The following DNAH14 variants were observed in gnomAD, a reference collection of about 807,000 sequenced individuals.
The protein encoded by DNAH14 is dynein axonemal heavy chain 14.
A neutral mutation model predicts 520.9 loss-of-function variants in DNAH14; 478 were observed. The observed-to-expected ratio is 0.92, with a 90% CI of 0.85 to 0.99. The LOEUF (loss-of-function observed/expected upper bound fraction) is 0.99. Among genes scored for constraint, DNAH14 ranks in the 50% least tolerant of loss-of-function variants. The pLI, the probability that DNAH14 is intolerant of heterozygous loss-of-function variation, is 0.00. For synonymous variants in DNAH14, 1,581 were observed against 1,757.2 expected, an observed-to-expected ratio of 0.90 and a Z score of 2.51; for missense variants, 4,831 against 5,234.5, an observed-to-expected ratio of 0.92 and a Z score of 2.38.
intron 31 of DNAH14, among the ~76,000 whole-genome samples, chr1:225,148,909 T>C (rs958628599): frequency 1.3e-5 from 2 of 152,184 alleles, no homozygotes; most frequent in African/African-American, 4.8e-5. Flanking sequence ...GTTTACTCTG[T>C]TGATAGTTTC....
chr1:225,290,188 T>C (rs1558280204), intron 55 of DNAH14, 106 bp downstream of exon 55: 12 of 783,024 alleles, frequency 1.5e-5, no homozygotes, highest in South Asian at 3.3e-5. Flanking sequence ...TATTTATCAA[T>C]GGTTCTATTA....
chr1:225,399,040 T>C lies in DNAH14; in HGVS notation c.13639-14T>C, dbSNP rs779920067. The C allele has an allele frequency of 1.5e-4, 223 of 1,531,582 alleles. 1 individual carries two copies. The East Asian group carries it at 5.4e-3, about 37-fold the overall frequency. 94.9% of individuals were successfully genotyped at this position (1,531,582 alleles called of 1,614,324 possible). On this transcript the variant is annotated splice_polypyrimidine_tract_variant and intron_variant, in intron 85 of 85. Coordinates refer to ENST00000682510, the MANE Select transcript of DNAH14 (RefSeq NM_001367479.1). ...CTATGCAATTTGACTACTGGATTTT[T>C]TTTTTTTTTAAAGATTTCTACCAAA...
chr1:225,278,494 C>G (rs2093547810), intron 54 of DNAH14, among the ~76,000 whole-genome samples: 1 of 152,184 alleles, frequency 6.6e-6, no homozygotes, highest in Non-Finnish European at 1.5e-5. Flanking sequence ...TAACGCACCT[C>G]TTTTCTTCCC....
intron 38 of DNAH14, among the ~76,000 whole-genome samples, chr1:225,197,784 A>AT (rs941661381): frequency 1.1e-4 from 16 of 151,866 alleles, no homozygotes; most frequent in Admixed American, 9.8e-4. Flanking sequence ...TAAGTATTTT[A>AT]TTTTTTTGCA....
intron 5 of DNAH14, 22 bp from the exon 6 acceptor site, chr1:224,967,409 A>ATT: frequency 1.5e-6 from 2 of 1,377,410 alleles, no homozygotes; most frequent in South Asian, 1.7e-5. Context: ...AAATTTGTTT[A>ATT]TTATTTTTTT....
At chr1:225,091,339 G>T (rs1211930517) in intron 21 of DNAH14, among the ~76,000 whole-genome samples, 3 of 151,918 alleles carry the variant, frequency 2.0e-5, no homozygotes, top group Admixed American at 2.0e-4. Context: ...CTAGAGAGAA[G>T]GGGCAGCTCT....
chr1:225,031,105 ACTAC>A (rs1382490643), intron 11 of DNAH14, among the ~76,000 whole-genome samples: 2 of 152,014 alleles, frequency 1.3e-5, no homozygotes, highest in African/African-American at 2.4e-5. Flanking sequence ...TTTGTTTTAA[ACTAC>A]CTATTTCATA....
chr1:224,958,939 T>A (rs1246613932), intron 3 of DNAH14, among the ~76,000 whole-genome samples: 1 of 152,104 alleles, frequency 6.6e-6, no homozygotes, highest in Non-Finnish European at 1.5e-5. Context: ...GGATTTTTTT[T>A]ATTTATTAAA....
At chr1:225,055,777 C>T (rs1403779683) in intron 17 of DNAH14, among the ~76,000 whole-genome samples, 1 of 149,534 alleles carries the variant, frequency 6.7e-6, no homozygotes, top group African/African-American at 2.5e-5. Flanking sequence ...TGAGTGAGAA[C>T]ATGTGGTGTT....
At position 225,272,090 on chromosome 1, in the gene DNAH14, A is replaced by G; in HGVS notation, c.7839+17A>G. 1 of 1,536,794 alleles carries G rather than the reference A, an allele frequency of 6.5e-7. No individual in the cohort carries two copies. Among genetic ancestry groups the G allele is most frequent in the Non-Finnish European group, 8.8e-7 (1 of 1,139,664 alleles). ...ATGTTTAAGGTTTGTTTTAATGTTC[A>G]TTCTCTAGTTTATTTTTTAAATATA... is the stretch of plus-strand genomic sequence containing the variant. On this transcript the variant is annotated intron_variant, in intron 51 of 85. Coordinates refer to ENST00000682510, the MANE Select transcript of DNAH14 (RefSeq NM_001367479.1).
intron 42 of DNAH14, among the ~76,000 whole-genome samples, chr1:225,238,003 T>G (rs144339915): frequency 0.049 from 7,492 of 152,246 alleles, 564 homozygotes; most frequent in African/African-American, 0.17. Context: ...CTATTCTGGT[T>G]ATCAGCTCCT....
At chr1:225,260,432 G>A (rs2092895956) in intron 46 of DNAH14, among the ~76,000 whole-genome samples, 2 of 152,152 alleles carry the variant, frequency 1.3e-5, no homozygotes, top group East Asian at 3.9e-4. Context: ...ATGCTGCAAT[G>A]AACACAGGAG....
chr1:225,195,808 A>G (rs2149370016), intron 38 of DNAH14, among the ~76,000 whole-genome samples: 1 of 152,174 alleles, frequency 6.6e-6, no homozygotes, highest in East Asian at 1.9e-4. Context: ...TAACAATGAT[A>G]GGCACTTTTT....
chr1:225,090,189 G>A (rs1406577913), intron 21 of DNAH14, among the ~76,000 whole-genome samples: 1 of 152,010 alleles, frequency 6.6e-6, no homozygotes, highest in Non-Finnish European at 1.5e-5. Flanking sequence ...ATATAAACCT[G>A]AGAAAAATGT....
intron 31 of DNAH14, 180 bp from the exon 32 acceptor site, chr1:225,151,825 T>G: frequency 1.4e-6 from 1 of 691,840 alleles, no homozygotes; most frequent in Admixed American, 2.4e-5. Flanking sequence ...GGATGACAAC[T>G]TTGGCTCAGC....
intron 36 of DNAH14, among the ~76,000 whole-genome samples, chr1:225,171,655 G>C (rs1162127029): frequency 6.6e-6 from 1 of 152,106 alleles, no homozygotes; most frequent in Non-Finnish European, 1.5e-5. Flanking sequence ...AGAAGTCCAG[G>C]ACCAGACAGA....
chr1:225,316,799 C>T (rs1030373148), intron 60 of DNAH14, among the ~76,000 whole-genome samples: 1 of 152,216 alleles, frequency 6.6e-6, no homozygotes, highest in Non-Finnish European at 1.5e-5. Context: ...TCCTATTTGG[C>T]CATCTTGGCC....
chr1:225,230,370 A>C (rs905626999), intron 41 of DNAH14, among the ~76,000 whole-genome samples: 2 of 152,130 alleles, frequency 1.3e-5, no homozygotes, highest in African/African-American at 4.8e-5. Context: ...GTTTTTATAT[A>C]ATCTATATCT....
chr1:225,319,439 T>C (rs556880496), intron 61 of DNAH14, among the ~76,000 whole-genome samples: 6 of 152,210 alleles, frequency 3.9e-5, no homozygotes, highest in African/African-American at 1.4e-4. Context: ...GAAAATAGTA[T>C]TTTAATGAAA....
Sources: allele counts gnomAD v4.1 joint callset (sites outside exome capture counted in the v4.1 genomes callset), GRCh38; gene constraint gnomAD v4.1.1; transcripts MANE v1.5; gene names NCBI Gene and HGNC (gene_info 2026-07-23, HGNC 2026-07-21).